Variants in CBR4 observed in about 807,000 individuals in gnomAD.
CBR4 encodes 3-oxoacyl-[acyl-carrier-protein] reductase.
In CBR4, 22 loss-of-function variants were observed where a neutral mutation model predicts 21.0. The ratio of observed to expected loss-of-function variants is 1.05; its 90% CI spans 0.75 to 1.50. The LOEUF (loss-of-function observed/expected upper bound fraction) is 1.50, where lower values mean the gene tolerates loss of function less well. Among genes scored for constraint, CBR4 ranks in the 40% most tolerant of loss-of-function variants. The pLI, the probability that CBR4 is intolerant of heterozygous loss-of-function variation, is 0.00. For synonymous variants in CBR4, 100 were observed against 104.4 expected (o/e 0.96, Z 0.26); for missense variants, 302 against 286.3 (o/e 1.05, Z -0.40).
intron 2 of CBR4, among the ~76,000 whole-genome samples, chr4:168,951,063 T>G (rs577863481): frequency 6.6e-6 from 1 of 152,076 alleles, no homozygotes; most frequent in Non-Finnish European, 1.5e-5. Flanking sequence ...TATATCTTTT[T>G]TTCTTCTTTT....
At chr4:168,950,541 T>C (rs111377482) in intron 2 of CBR4, among the ~76,000 whole-genome samples, 1 of 152,320 alleles carries the variant, frequency 6.6e-6, no homozygotes, top group South Asian at 2.1e-4. Flanking sequence ...GAAAATTCCA[T>C]GCACTGCTGA....
chr4:169,003,321 G>C (rs1017534848), intron 3 of CBR4, among the ~76,000 whole-genome samples: 2 of 152,198 alleles, frequency 1.3e-5, no homozygotes, highest in African/African-American at 4.8e-5. Context: ...GGATGACTTT[G>C]TGGGGTTCAA....
chr4:168,921,699 C>T, intron 2 of CBR4: 1 of 1,611,522 alleles, frequency 6.2e-7, no homozygotes, highest in Non-Finnish European at 8.5e-7. Flanking sequence ...AGCTACCAAC[C>T]GAGCAGGACA....
chr4:168,946,920 G>C (rs759518794), intron 2 of CBR4, among the ~76,000 whole-genome samples: 1 of 152,070 alleles, frequency 6.6e-6, no homozygotes, highest in Non-Finnish European at 1.5e-5. Context: ...TCCCAACTAC[G>C]CACATGGAGC....
chr4:168,905,334 G>A (rs1757483100), intron 2 of CBR4, among the ~76,000 whole-genome samples: 1 of 151,042 alleles, frequency 6.6e-6, no homozygotes, highest in Non-Finnish European at 1.5e-5. Flanking sequence ...ATTTTTAGTA[G>A]AGATGGGGTT....
chr4:168,905,071 G>T (rs763111954), intron 2 of CBR4, among the ~76,000 whole-genome samples: 1 of 151,306 alleles, frequency 6.6e-6, no homozygotes, highest in Admixed American at 6.6e-5. Flanking sequence ...AGGTTTCAGT[G>T]AGCCAAGACT....
intron 2 of CBR4, among the ~76,000 whole-genome samples, chr4:168,974,383 G>A (rs771694563): frequency 1.1e-4 from 16 of 152,190 alleles, no homozygotes; most frequent in Admixed American, 2.0e-4. Flanking sequence ...ATGACCATGT[G>A]CCTAGGTGAT....
At chr4:168,942,427 A>C (rs1226218002) in intron 2 of CBR4, among the ~76,000 whole-genome samples, 2 of 152,132 alleles carry the variant, frequency 1.3e-5, no homozygotes, top group African/African-American at 2.4e-5. Flanking sequence ...AAGAAAACAA[A>C]GAAAAAAGAA....
Position 168,989,412 on chromosome 4 carries a change from AT to A in CBR4, c.*737del, listed in dbSNP as rs1310303500. 1.8e-5 allele frequency: 18 copies of A among 985,340 alleles called. No homozygotes were observed. Among genetic ancestry groups the A allele is most frequent in the Non-Finnish European group, 2.2e-5 (18 of 829,926 alleles). 61.0% of individuals were successfully genotyped at this position (985,340 alleles called of 1,614,324 possible). The stretch of plus-strand genomic sequence containing the variant: ...AAATGCGCCACATTTAAATTTGCAG[AT>A]TATTTTGTCTAGCTGCTCAATCAAG... On this transcript the variant is annotated 3_prime_UTR_variant, in exon 5 of 5. Transcript: ENST00000306193.
chr4:168,989,376 A>C lies in CBR4; in HGVS notation c.*774T>G. The C allele has an allele frequency of 1.0e-6, 1 of 985,442 alleles. No individual in the cohort carries two copies. The highest frequency in any genetic ancestry group is 1.2e-6 in the Non-Finnish European group (1 of 829,908). The allele number at this position is 985,442 out of a possible 1,614,324, so 61.0% of individuals were successfully genotyped here. ...TCCTCTTCACTTATGAGAATTTCTC[A>C]AGAATGAGTCAAATGCGCCACATTT... On this transcript the variant is annotated 3_prime_UTR_variant, in exon 5 of 5. Coordinates refer to ENST00000306193, the MANE Select transcript of CBR4 (RefSeq NM_032783.5).
At chr4:168,959,177 A>G (rs1001297903) in intron 2 of CBR4, among the ~76,000 whole-genome samples, 6 of 152,116 alleles carry the variant, frequency 3.9e-5, no homozygotes, top group African/African-American at 1.4e-4. Flanking sequence ...TAGTTTTTAG[A>G]TTTATGTCGT....
chr4:168,930,438 G>A (rs1441618241), intron 2 of CBR4, among the ~76,000 whole-genome samples: 1 of 152,174 alleles, frequency 6.6e-6, no homozygotes, highest in Non-Finnish European at 1.5e-5. Context: ...TTACTATTCA[G>A]AGTTAAAGGT....
At position 168,989,326 on chromosome 4, in the gene CBR4, C is replaced by T. The variant is rs1255839284; in HGVS notation, c.*824G>A. ...AAATCTGTGCGGTTCACTACTGTAC[C>T]AGGTATTAAAACCTTAAGGGCTAAT... is the stretch of plus-strand genomic sequence containing the variant. On this transcript the variant is annotated 3_prime_UTR_variant, in exon 5 of 5. Transcript: ENST00000306193. 1.0e-6 allele frequency: 1 copy of T among 985,266 alleles called. No individual in the cohort carries two copies. The highest frequency in any genetic ancestry group is 4.7e-5 in the South Asian group (1 of 21,284). 61.0% of individuals were successfully genotyped at this position (985,266 alleles called of 1,614,324 possible). A position where few individuals can be genotyped will look rare whatever the true frequency, so the allele number is the denominator to read the frequency against.
rs183624688 is a variant in CBR4, at chr4:168,950,984, T to C, written n.169+51087A>G. ...TACTTTAAGTTTGTGCGAGTCCTTA[T>C]GTGTTAAGTGAGTCTCTTGAAGTCA... On this transcript the variant is annotated intron_variant and non_coding_transcript_variant, in intron 2 of 3. Coordinates refer to the CBR4 transcript ENST00000509108. Among the ~76,000 whole-genome samples, 57 of 152,360 alleles carry C rather than the reference T, an allele frequency of 3.7e-4. 2 individuals are homozygous for C. The East Asian group carries it at 0.01, about 27-fold the overall frequency.
chr4:168,926,726 A>G (rs138919327), intron 2 of CBR4: 1 of 308,360 alleles, frequency 3.2e-6, no homozygotes, highest in African/African-American at 2.1e-5. Context: ...TAAACACAAG[A>G]TATAGGTGCT....
intron 2 of CBR4, among the ~76,000 whole-genome samples, chr4:168,909,073 AAAT>A (rs1758379722): frequency 6.6e-6 from 1 of 152,226 alleles, no homozygotes; most frequent in African/African-American, 2.4e-5. Context: ...TAGTTTAGCA[AAAT>A]AATGAGTGAC....
intron 4 of CBR4, among the ~76,000 whole-genome samples, chr4:168,995,174 C>G (rs1765131952): frequency 6.6e-6 from 1 of 152,174 alleles, no homozygotes; most frequent in African/African-American, 2.4e-5. Context: ...TAAAAGGGCC[C>G]TCAGTTCTTA....
At chr4:168,899,094 A>G (rs1329267958) in intron 2 of CBR4, among the ~76,000 whole-genome samples, 4 of 152,196 alleles carry the variant, frequency 2.6e-5, no homozygotes, top group Non-Finnish European at 2.9e-5. Flanking sequence ...TGTACCATAC[A>G]GACAAGTAAT....
At chr4:168,996,874 T>C (rs557745771) in intron 4 of CBR4, among the ~76,000 whole-genome samples, 176 of 152,318 alleles carry the variant, frequency 1.2e-3, no homozygotes, top group African/African-American at 3.7e-3. Flanking sequence ...TCTTCATTTA[T>C]AAATATATTC....
Sources: gnomAD v4.1 joint callset for allele counts (sites outside exome capture counted in the v4.1 genomes callset) on GRCh38, gnomAD v4.1.1 for gene constraint, MANE v1.5 for transcripts, NCBI Gene and HGNC (gene_info 2026-07-23, HGNC 2026-07-21) for gene names.